Variants in C4orf36 observed in about 807,000 individuals in gnomAD.
C4orf36 encodes the protein uncharacterized protein C4orf36.
In C4orf36, 11 loss-of-function variants were observed where a neutral mutation model predicts 12.2. That is an observed-to-expected ratio of 0.90 (90% confidence interval 0.57 to 1.49). The LOEUF is 1.49. Ranked by LOEUF, C4orf36 falls within the 40% of genes most tolerant of loss-of-function variation. The probability of loss-of-function intolerance (pLI) is 0.00; values close to 1 mark genes in which losing one functional copy is unlikely to be tolerated. For synonymous variants in C4orf36, 54 were observed against 51.3 expected (o/e 1.05, Z -0.22); for missense variants, 137 against 133.9 (o/e 1.02, Z -0.11).
At chr4:86,924,234 C>G in the C4orf36 span, among the ~76,000 whole-genome samples, 2 of 152,186 alleles carry the variant, frequency 1.3e-5, no homozygotes, top group African/African-American at 4.8e-5. Context: ...GAGTCTCACT[C>G]TGTCACACAG....
At chr4:86,932,518 T>G in the C4orf36 span, among the ~76,000 whole-genome samples, 1 of 152,064 alleles carries the variant, frequency 6.6e-6, no homozygotes, top group Non-Finnish European at 1.5e-5. Flanking sequence ...CAAACAGTTG[T>G]CCATGTTGTG....
At chr4:86,912,910 C>CT in the C4orf36 span, among the ~76,000 whole-genome samples, 58 of 141,328 alleles carry the variant, frequency 4.1e-4, no homozygotes, top group Non-Finnish European at 4.5e-4. Flanking sequence ...TTTCGCTTTT[C>CT]TTTTTTTTTT....
chr4:86,914,703 GTTC>G, the C4orf36 span: 1 of 391,996 alleles, frequency 2.6e-6, no homozygotes, highest in Non-Finnish European at 5.0e-6. Context: ...GCCCGGCTCC[GTTC>G]TTCTTATAGA....
At chr4:86,909,825 A>G in the C4orf36 span, among the ~76,000 whole-genome samples, 2 of 149,470 alleles carry the variant, frequency 1.3e-5, no homozygotes, top group Non-Finnish European at 3.0e-5. Context: ...CTTCGCCCAG[A>G]AAGATTGAGC....
chr4:86,882,795 T>C (rs1386385397), intron 4 of C4orf36, among the ~76,000 whole-genome samples: 1 of 152,188 alleles, frequency 6.6e-6, no homozygotes, highest in Admixed American at 6.5e-5. Context: ...CCATTGCACA[T>C]GTGCTTGACT....
At chr4:86,928,988 T>A in the C4orf36 span, among the ~76,000 whole-genome samples, 4 of 152,218 alleles carry the variant, frequency 2.6e-5, no homozygotes, top group South Asian at 8.3e-4. Flanking sequence ...CTTCCCCAAG[T>A]CCTTTAGTGT....
rs6837572 is a variant in C4orf36 at position 86,892,090 on chromosome 4, G to A, written c.-74+93C>T. The A allele has an allele frequency of 4.4e-3, 4,345 of 985,822 alleles. 160 individuals are homozygous for A. In the African/African-American group the frequency reaches 0.069, roughly 16 times the overall value. The allele number at this position is 985,822 out of a possible 1,614,324, so 61.1% of individuals were successfully genotyped here. Reference sequence around the variant, plus strand: ...TTCCCCGGACGGACGCGCAGGGCCCGGGAGGAACTGGTTCCCGGGACGGGT... The same window carrying A: ...TTCCCCGGACGGACGCGCAGGGCCCAGGAGGAACTGGTTCCCGGGACGGGT... On this transcript the variant is annotated intron_variant, in intron 1 of 4. Coordinates refer to ENST00000295898, the MANE Select transcript of C4orf36 (RefSeq NM_144645.4).
Position 86,892,287 on chromosome 4 carries a change from C to T in C4orf36, c.-178G>A. 2 of 985,768 alleles carry T rather than the reference C, an allele frequency of 2.0e-6. No individual in the cohort carries two copies. The highest frequency in any genetic ancestry group is 2.4e-6 in the Non-Finnish European group (2 of 830,198). The allele number at this position is 985,768 out of a possible 1,614,324, so 61.1% of individuals were successfully genotyped here. A position where few individuals can be genotyped will look rare whatever the true frequency, so the allele number is the denominator to read the frequency against. On this transcript the variant is annotated 5_prime_UTR_variant, in exon 1 of 5. Coordinates refer to ENST00000295898, the MANE Select transcript of C4orf36 (RefSeq NM_144645.4). Reference sequence around the variant, plus strand: ...GGCGCCGGCGGCCTGGTTACCCGGGCTCCAGGGGCTCGGAGGGTCGCGGCC... The same window carrying T: ...GGCGCCGGCGGCCTGGTTACCCGGGTTCCAGGGGCTCGGAGGGTCGCGGCC...
At chr4:86,912,106 C>T in the C4orf36 span, among the ~76,000 whole-genome samples, 615 of 152,140 alleles carry the variant, frequency 4.0e-3, 5 homozygotes, top group African/African-American at 0.014. Flanking sequence ...AACTCCTGAC[C>T]GCAGGTGATC....
At chr4:86,930,846 A>C in the C4orf36 span, among the ~76,000 whole-genome samples, 1 of 152,214 alleles carries the variant, frequency 6.6e-6, no homozygotes, top group Admixed American at 6.5e-5. Context: ...CACAAAATAC[A>C]GACAGTTATT....
chr4:86,914,478 G>A, the C4orf36 span: 1 of 531,524 alleles, frequency 1.9e-6, no homozygotes, highest in Non-Finnish European at 3.2e-6. Context: ...TCAGCTCACT[G>A]CAACCTCCAC....
At position 86,880,771 on chromosome 4, in the gene C4orf36, G is replaced by A. The variant is rs139421592; in HGVS notation, c.*3-4328C>T. On this transcript the variant is annotated intron_variant, in intron 4 of 4. Coordinates refer to ENST00000295898, the MANE Select transcript of C4orf36 (RefSeq NM_144645.4). Reference sequence around the variant, plus strand: ...AAAATGTAGAATTAGGCCAGGTGCAGTGGCTCATGCCTGTAGTCCTAGCAC... The same window carrying A: ...AAAATGTAGAATTAGGCCAGGTGCAATGGCTCATGCCTGTAGTCCTAGCAC... Among the ~76,000 whole-genome samples, 7 of 152,324 alleles carry A rather than the reference G, an allele frequency of 4.6e-5. No individual in the cohort carries two copies. In the East Asian group the frequency reaches 1.4e-3, roughly 29 times the overall value.
At chr4:86,892,986 A>G (rs72667705), upstream of C4orf36, among the ~76,000 whole-genome samples, 24,440 of 152,146 alleles carry the variant, frequency 0.16, 2,233 homozygotes, top group East Asian at 0.32. Context: ...GCCACTTAAG[A>G]TTTAACCTTA....
the C4orf36 span, among the ~76,000 whole-genome samples, chr4:86,912,126 C>T: frequency 6.6e-6 from 1 of 152,308 alleles, no homozygotes; most frequent in East Asian, 1.9e-4. Flanking sequence ...CCACCCACCT[C>T]AGCCTCCCAA....
intron 4 of C4orf36, among the ~76,000 whole-genome samples, chr4:86,877,397 G>A (rs1447435399): frequency 6.6e-6 from 1 of 152,216 alleles, no homozygotes; most frequent in Non-Finnish European, 1.5e-5. Flanking sequence ...AAAGAGTAGA[G>A]TGGGTAATCT....
the C4orf36 span, chr4:86,914,445 G>A: frequency 7.5e-4 from 474 of 632,784 alleles, 3 homozygotes; most frequent in South Asian, 3.8e-3. Flanking sequence ...CTATCGCCCA[G>A]GCTGGAGTGC....
the C4orf36 span, chr4:86,925,545 T>G: frequency 6.6e-6 from 1 of 152,158 alleles, no homozygotes; most frequent in South Asian, 2.1e-4. Context: ...GAATGATAAT[T>G]TATTTAGAAT....
At chr4:86,919,620 C>T in the C4orf36 span, among the ~76,000 whole-genome samples, 4 of 152,146 alleles carry the variant, frequency 2.6e-5, no homozygotes, top group South Asian at 2.1e-4. Flanking sequence ...CTACTGCGCC[C>T]GGCCCCATTC....
chr4:86,880,624 T>C (rs1002456001), intron 4 of C4orf36, among the ~76,000 whole-genome samples: 1 of 152,204 alleles, frequency 6.6e-6, no homozygotes, highest in Non-Finnish European at 1.5e-5. Context: ...TCGTTACCAC[T>C]AGGCCTTACC....
Sources: gnomAD v4.1 joint callset for allele counts (sites outside exome capture counted in the v4.1 genomes callset) on GRCh38, gnomAD v4.1.1 for gene constraint, MANE v1.5 for transcripts, NCBI Gene and HGNC (gene_info 2026-07-23, HGNC 2026-07-21) for gene names.